Variants in DACH1 observed in about 807,000 individuals in gnomAD.
The protein encoded by DACH1 is dachshund family transcription factor 1.
DACH1 carries 12 observed loss-of-function variants against 54.2 expected under a neutral mutation model. The observed-to-expected ratio is 0.22, with a 90% CI of 0.14 to 0.36. The LOEUF is 0.36. Ranked by LOEUF, DACH1 falls within the 10% of genes least tolerant of loss-of-function variation. DACH1 has a pLI of 1.00. For missense variants in DACH1, 805 were observed against 929.8 expected (o/e 0.87, Z 1.75); for synonymous variants, 386 against 366.2 (o/e 1.05, Z -0.62).
rs939265483 is a variant in DACH1, at chr13:71,467,232, A to T, written c.2083+7909T>A. Among the ~76,000 whole-genome samples the T allele has an allele frequency of 3.3e-5, 5 of 151,136 alleles. No homozygotes were observed. In the South Asian group the frequency reaches 1.0e-3, roughly 32 times the overall value. On this transcript the variant is annotated intron_variant, in intron 10 of 10. Coordinates refer to ENST00000613252, the MANE Select transcript of DACH1 (RefSeq NM_080759.6). ...ATATCCAGTTACATTAAAAAACAGT[A>T]TTACTTTTTAAAATATATTTTTAAA...
At chr13:71,743,053 A>T (rs1054045979) in intron 1 of DACH1, among the ~76,000 whole-genome samples, 4 of 152,156 alleles carry the variant, frequency 2.6e-5, no homozygotes, top group Non-Finnish European at 4.4e-5. Flanking sequence ...TTACACAGTG[A>T]TATGATGGAC....
intron 1 of DACH1, among the ~76,000 whole-genome samples, chr13:71,716,529 T>C (rs1382318931): frequency 6.6e-6 from 1 of 152,144 alleles, no homozygotes; most frequent in Non-Finnish European, 1.5e-5. Context: ...CCTTCAGTTG[T>C]ACATGTGAGA....
At chr13:71,498,203 T>C (rs937107949) in intron 6 of DACH1, among the ~76,000 whole-genome samples, 2 of 152,220 alleles carry the variant, frequency 1.3e-5, no homozygotes, top group East Asian at 1.9e-4. Context: ...TCTTAACTTT[T>C]GAATAGTTCT....
chr13:71,661,427 C>A (rs1293527100), intron 2 of DACH1, among the ~76,000 whole-genome samples: 1 of 151,716 alleles, frequency 6.6e-6, no homozygotes, highest in Non-Finnish European at 1.5e-5. Flanking sequence ...ATTTTCTATA[C>A]AATGGAATAA....
chr13:71,848,216 A>C (rs952773107), intron 1 of DACH1, among the ~76,000 whole-genome samples: 8 of 61,538 alleles, frequency 1.3e-4, no homozygotes, highest in African/African-American at 8.7e-4. Context: ...TCCCCCCCCA[A>C]AAAAATGGTA....
intron 10 of DACH1, among the ~76,000 whole-genome samples, chr13:71,441,760 G>A (rs1173356440): frequency 6.6e-6 from 1 of 151,992 alleles, no homozygotes; most frequent in Non-Finnish European, 1.5e-5. Flanking sequence ...ACAATCTATA[G>A]TGGATATAGT....
At chr13:71,454,024 G>A (rs2138123107) in intron 10 of DACH1, among the ~76,000 whole-genome samples, 1 of 150,952 alleles carries the variant, frequency 6.6e-6, no homozygotes, top group Admixed American at 6.7e-5. Context: ...GTTCAAAGAT[G>A]TGCAACGTTA....
intron 10 of DACH1, among the ~76,000 whole-genome samples, chr13:71,447,113 A>G (rs1874537491): frequency 6.6e-6 from 1 of 152,174 alleles, no homozygotes; most frequent in Admixed American, 6.5e-5. Context: ...TTTGGTATAT[A>G]AGAAGGATCA....
In DACH1 at chr13:71,444,101, A is replaced by C. The variant is rs181048958; in HGVS notation, c.2084-3409T>G. ...TACTTATTTAGTAAACAAACCTAAT[A>C]ATATTATAAAAATAAACAGAACAAA... On this transcript the variant is annotated intron_variant, in intron 10 of 10. Coordinates refer to ENST00000613252, the MANE Select transcript of DACH1 (RefSeq NM_080759.6). Among the ~76,000 whole-genome samples the C allele has an allele frequency of 3.0e-3, 453 of 152,236 alleles. 17 individuals carry two copies. The South Asian group carries it at 0.075, about 25-fold the overall frequency.
rs548394165 is a variant in DACH1, at chr13:71,755,997, T to C, written c.849-74087A>G. 1.9e-3 allele frequency among the ~76,000 whole-genome samples: 295 copies of C among 152,206 alleles called. 1 individual carries two copies. Among genetic ancestry groups the C allele is most frequent in the African/African-American group, 6.8e-3 (282 of 41,542 alleles). ...GGCTAGAAAATTTAAATTATTTAAATTTAAAGACTAAAATGCGTAAACTAA... is the reference window on the plus strand; with the variant it reads ...GGCTAGAAAATTTAAATTATTTAAACTTAAAGACTAAAATGCGTAAACTAA... On this transcript the variant is annotated intron_variant, in intron 1 of 10. Coordinates refer to ENST00000613252, the MANE Select transcript of DACH1 (RefSeq NM_080759.6).
At chr13:71,823,552 A>C (rs1037095281) in intron 1 of DACH1, among the ~76,000 whole-genome samples, 1 of 152,062 alleles carries the variant, frequency 6.6e-6, no homozygotes, top group African/African-American at 2.4e-5. Context: ...TGGATGTTAA[A>C]CCTGTATCTA....
At chr13:71,731,287 C>G (rs530521386) in intron 1 of DACH1, among the ~76,000 whole-genome samples, 1 of 143,628 alleles carries the variant, frequency 7.0e-6, no homozygotes, top group African/African-American at 2.6e-5. Flanking sequence ...GTTTCTTGAT[C>G]TTCTTTTTTT....
At chr13:71,566,401 A>T (rs1884896334) in intron 4 of DACH1, among the ~76,000 whole-genome samples, 1 of 152,116 alleles carries the variant, frequency 6.6e-6, no homozygotes, top group Non-Finnish European at 1.5e-5. Context: ...GTCGCAATTC[A>T]TCACTTCATT....
At position 71,479,333 on chromosome 13, in the gene DACH1, T is replaced by C. The variant is rs1257182540; in HGVS notation, c.1723-17A>G. ...CAACAGCCCCTGTACAAAGAAGATA[T>C]TCGGAATGGTAATATTTTAATACAA... On this transcript the variant is annotated splice_polypyrimidine_tract_variant and intron_variant, in intron 7 of 10. Transcript: ENST00000613252. The C allele has an allele frequency of 1.3e-6, 2 of 1,598,422 alleles. No individual in the cohort carries two copies. The highest frequency in any genetic ancestry group is 3.6e-5 in the Admixed American group (2 of 55,766).
At chr13:71,634,336 T>A in intron 2 of DACH1, among the ~76,000 whole-genome samples, 1 of 152,154 alleles carries the variant, frequency 6.6e-6, no homozygotes, top group East Asian at 1.9e-4. Context: ...GTGCTTCTCA[T>A]GGCTGTCAGC....
At chr13:71,660,681 T>C (rs754690052) in intron 2 of DACH1, among the ~76,000 whole-genome samples, 2 of 151,996 alleles carry the variant, frequency 1.3e-5, no homozygotes, top group African/African-American at 4.8e-5. Context: ...TCTTAAAATA[T>C]GTTAGGATTT....
chr13:71,491,351 A>G lies in DACH1; in HGVS notation c.1571-2203T>C, dbSNP rs111945112. On this transcript the variant is annotated intron_variant, in intron 6 of 10. Coordinates refer to ENST00000613252, the MANE Select transcript of DACH1 (RefSeq NM_080759.6). ...TTTCTTCAGATACTCCATTTATCCA[A>G]ATATAGCAGTAAAATTCTGTATATA... Among the ~76,000 whole-genome samples, 433 of 152,262 alleles carry G rather than the reference A, an allele frequency of 2.8e-3. 2 individuals carry two copies. The highest frequency in any genetic ancestry group is 9.8e-3 in the African/African-American group (407 of 41,560).
chr13:71,568,379 C>A lies in DACH1; in HGVS notation c.1299+4461G>T, dbSNP rs564013665. On this transcript the variant is annotated intron_variant, in intron 4 of 10. Transcript: ENST00000613252. ...GTTGATGTCTAGTGTCTCTTCATTGCACAATTCACTTCTAGAGTATGGTGT... is the reference window on the plus strand; with the variant it reads ...GTTGATGTCTAGTGTCTCTTCATTGAACAATTCACTTCTAGAGTATGGTGT... 4.6e-5 allele frequency among the ~76,000 whole-genome samples: 7 copies of A among 151,960 alleles called. No individual in the cohort carries two copies. In the South Asian group the frequency reaches 1.2e-3, roughly 27 times the overall value.
chr13:71,679,213 C>G (rs975311663), intron 2 of DACH1, among the ~76,000 whole-genome samples: 1 of 152,082 alleles, frequency 6.6e-6, no homozygotes, highest in Non-Finnish European at 1.5e-5. Context: ...CTCTGTTCAC[C>G]AAGCCGGCAA....
Sources: gnomAD v4.1 joint callset for allele counts (sites outside exome capture counted in the v4.1 genomes callset) on GRCh38, gnomAD v4.1.1 for gene constraint, MANE v1.5 for transcripts, NCBI Gene and HGNC (gene_info 2026-07-23, HGNC 2026-07-21) for gene names.